CCDC171: variants seen among roughly 807,000 people sequenced by gnomAD.
CCDC171 encodes coiled-coil domain containing 171, also known as coiled-coil domain-containing protein 171.
A neutral mutation model predicts 168.2 loss-of-function variants in CCDC171; 177 were observed. The observed-to-expected ratio is 1.05, with a 90% CI of 0.93 to 1.19. CCDC171 has a LOEUF of 1.19. CCDC171 is among the 50% of genes most tolerant of loss of function. The pLI, the probability that CCDC171 is intolerant of heterozygous loss-of-function variation, is 0.00. For missense variants in CCDC171, 1,991 were observed against 1,539.0 expected (o/e 1.29, Z -4.91); for synonymous variants, 687 against 540.8 (o/e 1.27, Z -3.75).
intron 7 of CCDC171, among the ~76,000 whole-genome samples, chr9:15,627,274 G>A (rs1008011624): frequency 6.6e-6 from 1 of 151,754 alleles, no homozygotes; most frequent in Non-Finnish European, 1.5e-5. Context: ...CCAACTCCTG[G>A]ATTCATTGAT....
At chr9:15,694,791 G>C (rs2055773) in intron 10 of CCDC171, among the ~76,000 whole-genome samples, 142,544 of 152,304 alleles carry the variant, frequency 0.94, 66,807 homozygotes, top group East Asian at 1. Flanking sequence ...CTAGACCAAA[G>C]TACTGTCACT....
intron 1 of CCDC171, among the ~76,000 whole-genome samples, chr9:16,051,239 G>A (rs763795884): frequency 9.2e-5 from 14 of 152,132 alleles, no homozygotes; most frequent in Non-Finnish European, 1.9e-4. Flanking sequence ...GCTCTGCTGG[G>A]TTCTGCTGTC....
At chr9:15,700,139 G>A (rs556185451) in intron 11 of CCDC171, among the ~76,000 whole-genome samples, 1 of 152,318 alleles carries the variant, frequency 6.6e-6, no homozygotes, top group South Asian at 2.1e-4. Flanking sequence ...GCCCATGGAG[G>A]GGGTGGGAGG....
At chr9:15,939,332 T>C (rs78133263) in intron 25 of CCDC171, among the ~76,000 whole-genome samples, 1,729 of 151,828 alleles carry the variant, frequency 0.011, 38 homozygotes, top group African/African-American at 0.039. Context: ...GTTGTAGAAA[T>C]ATGGTATTTA....
At chr9:16,078,216 A>G in the CCDC171 span, among the ~76,000 whole-genome samples, 4 of 152,178 alleles carry the variant, frequency 2.6e-5, no homozygotes, top group Admixed American at 6.5e-5. Flanking sequence ...TTCTACCTCA[A>G]TAAAGCTGGG....
chr9:15,959,620 C>T (rs1418159137), intron 25 of CCDC171, among the ~76,000 whole-genome samples: 1 of 152,074 alleles, frequency 6.6e-6, no homozygotes, highest in East Asian at 1.9e-4. Context: ...GCGCAGACTG[C>T]ATTTCAAACA....
intron 25 of CCDC171, among the ~76,000 whole-genome samples, chr9:15,931,397 C>A (rs10810482): frequency 0.32 from 47,485 of 148,218 alleles, 9,303 homozygotes; most frequent in East Asian, 0.62. Context: ...CTTTTGAGAA[C>A]TGTCTATTCA....
At chr9:15,669,005 C>G (rs1160170011) in intron 9 of CCDC171, among the ~76,000 whole-genome samples, 2 of 151,876 alleles carry the variant, frequency 1.3e-5, no homozygotes, top group African/African-American at 2.4e-5. Flanking sequence ...ATTGTTTTAC[C>G]TGTTGTGAAC....
intron 18 of CCDC171, among the ~76,000 whole-genome samples, chr9:15,770,232 C>G (rs949533526): frequency 6.6e-6 from 1 of 152,110 alleles, no homozygotes; most frequent in African/African-American, 2.4e-5. Context: ...TTGTTGAAGA[C>G]CACCCAAAAA....
chr9:15,643,557 TC>T (rs1375954748), intron 7 of CCDC171, among the ~76,000 whole-genome samples: 2 of 152,174 alleles, frequency 1.3e-5, no homozygotes, highest in African/African-American at 4.8e-5. Flanking sequence ...TCTTTATTTT[TC>T]AATTGAGATA....
intron 14 of CCDC171, 27 bp from the exon 15 acceptor site, chr9:15,727,842 T>C (rs1363235370): frequency 2.5e-6 from 4 of 1,583,930 alleles, no homozygotes; most frequent in Non-Finnish European, 3.4e-6. Context: ...TATACAGCAA[T>C]TAATTTTTCT....
chr9:16,010,725 G>C (rs1438646256), intron 3 of CCDC171, among the ~76,000 whole-genome samples: 5 of 143,336 alleles, frequency 3.5e-5, no homozygotes, highest in Non-Finnish European at 7.5e-5. Context: ...AGTGTTATTT[G>C]GTATTCCAAG....
chr9:15,834,992 T>C (rs369327484), intron 21 of CCDC171, among the ~76,000 whole-genome samples: 1 of 152,334 alleles, frequency 6.6e-6, no homozygotes, highest in East Asian at 1.9e-4. Context: ...ATAGAGTCCT[T>C]GTGGAATTCA....
chr9:15,834,150 T>C (rs1040139504), intron 21 of CCDC171, among the ~76,000 whole-genome samples: 1 of 152,182 alleles, frequency 6.6e-6, no homozygotes, highest in Non-Finnish European at 1.5e-5. Flanking sequence ...ATGATTATTT[T>C]AGTTCTCATT....
chr9:15,562,920 C>G (rs2039427350), intron 1 of CCDC171, among the ~76,000 whole-genome samples: 1 of 151,984 alleles, frequency 6.6e-6, no homozygotes, highest in Non-Finnish European at 1.5e-5. Flanking sequence ...CCTTGGTGCC[C>G]CCCACTTAAT....
chr9:15,567,808 C>T (rs192574350), intron 2 of CCDC171, among the ~76,000 whole-genome samples: 17 of 152,050 alleles, frequency 1.1e-4, no homozygotes, highest in Non-Finnish European at 2.2e-4. Context: ...CATGTACCAC[C>T]ATGGCTGGCC....
intron 1 of CCDC171, among the ~76,000 whole-genome samples, chr9:15,557,040 C>G (rs938890493): frequency 1.3e-5 from 2 of 152,076 alleles, no homozygotes; most frequent in African/African-American, 4.8e-5. Flanking sequence ...TGTCAAAGAT[C>G]AGATGGTTGT....
chr9:15,710,033 T>C (rs1208312807), intron 11 of CCDC171, among the ~76,000 whole-genome samples: 1 of 152,174 alleles, frequency 6.6e-6, no homozygotes, highest in South Asian at 2.1e-4. Context: ...AATACAGATA[T>C]CTGCTGTATT....
chr9:15,618,178 G>T (rs1427781001), intron 6 of CCDC171, among the ~76,000 whole-genome samples: 1 of 152,190 alleles, frequency 6.6e-6, no homozygotes, highest in Non-Finnish European at 1.5e-5. Context: ...TTATCTGTAA[G>T]CTCCTGACTG....
Sources: gnomAD v4.1 joint callset for allele counts (sites outside exome capture counted in the v4.1 genomes callset) on GRCh38, gnomAD v4.1.1 for gene constraint, MANE v1.5 for transcripts, NCBI Gene and HGNC (gene_info 2026-07-23, HGNC 2026-07-21) for gene names.